The following KCNG2 variants were observed in gnomAD, a reference collection of about 807,000 sequenced individuals.
The protein encoded by KCNG2 is potassium voltage-gated channel modifier subfamily G member 2.
A neutral mutation model predicts 12.3 loss-of-function variants in KCNG2; 7 were observed. The ratio of observed to expected loss-of-function variants is 0.57; its 90% CI spans 0.32 to 1.07. The LOEUF is 1.07. Ranked by LOEUF, KCNG2 falls within the 50% of genes least tolerant of loss-of-function variation. The probability of loss-of-function intolerance (pLI) is 0.04; values close to 1 mark genes in which losing one functional copy is unlikely to be tolerated. For missense variants in KCNG2, 703 were observed against 726.0 expected, an observed-to-expected ratio of 0.97 and a Z score of 0.36; for synonymous variants, 414 against 351.4, an observed-to-expected ratio of 1.18 and a Z score of -1.99.
At chr18:79,817,419 TCAGA>T (rs988660016) in intron 1 of KCNG2, among the ~76,000 whole-genome samples, 6 of 152,222 alleles carry the variant, frequency 3.9e-5, no homozygotes, top group Middle Eastern at 3.4e-3. Flanking sequence ...GATGTGCTTG[TCAGA>T]CACAGTGTCA....
intron 2 of KCNG2, among the ~76,000 whole-genome samples, chr18:79,858,244 C>T (rs1263835638): frequency 6.6e-6 from 1 of 152,212 alleles, no homozygotes; most frequent in African/African-American, 2.4e-5. Flanking sequence ...TCAAGTGATC[C>T]ACCCGCCTCA....
chr18:79,838,297 G>A (rs1978361668), intron 1 of KCNG2, among the ~76,000 whole-genome samples: 1 of 152,070 alleles, frequency 6.6e-6, no homozygotes, highest in Non-Finnish European at 1.5e-5. Flanking sequence ...TCATATAAGT[G>A]TTCTCAGTGT....
rs562941029 is a variant in KCNG2, at chr18:79,877,818, C to T, written c.624+13527C>T. 1.7e-3 allele frequency among the ~76,000 whole-genome samples: 261 copies of T among 152,336 alleles called. 1 individual carries two copies. Among genetic ancestry groups the T allele is most frequent in the African/African-American group, 5.9e-3 (247 of 41,572 alleles). ...GATGCCAGGGCGGACACCATGTCAG[C>T]GGAGACCTCGCCTTCTGAGAAGGGC... On this transcript the variant is annotated intron_variant, in intron 3 of 3. Transcript: ENST00000316249.
At chr18:79,855,694 C>T (rs893376663) in intron 1 of KCNG2, among the ~76,000 whole-genome samples, 16 of 152,182 alleles carry the variant, frequency 1.1e-4, no homozygotes, top group Non-Finnish European at 1.8e-4. Context: ...GGAGGGGACC[C>T]TGCACGGCCC....
rs58112387 is a variant in KCNG2, at chr18:79,807,885, T to C, written c.-115+9871T>C. ...CACGTTATGGGCCCAGAGTCCGCGC[T>C]CTGAGGAGCTGCCGGGGCCGCGCTG... On this transcript the variant is annotated intron_variant, in intron 1 of 3. Coordinates refer to ENST00000316249, the MANE Select transcript of KCNG2 (RefSeq NM_012283.2). Among the ~76,000 whole-genome samples, 59 of 57,662 alleles carry C rather than the reference T, an allele frequency of 1.0e-3. 1 individual carries two copies. Among genetic ancestry groups the C allele is most frequent in the South Asian group, 1.4e-3 (2 of 1,398 alleles). 37.8% of individuals were successfully genotyped at this position (57,662 alleles called of 152,430 possible).
At chr18:79,828,591 G>C (rs1051895696) in intron 1 of KCNG2, among the ~76,000 whole-genome samples, 5 of 152,040 alleles carry the variant, frequency 3.3e-5, no homozygotes, top group Non-Finnish European at 2.9e-5. Context: ...GTGTCTGCAT[G>C]TGGGTGTGTG....
chr18:79,872,840 C>T (rs1979902160), intron 3 of KCNG2, among the ~76,000 whole-genome samples: 1 of 152,254 alleles, frequency 6.6e-6, no homozygotes, highest in Non-Finnish European at 1.5e-5. Context: ...CAGTGCTCAG[C>T]ACACAGAATC....
chr18:79,874,997 C>A (rs1980011806), intron 3 of KCNG2, among the ~76,000 whole-genome samples: 1 of 152,180 alleles, frequency 6.6e-6, no homozygotes, highest in Non-Finnish European at 1.5e-5. Context: ...AGCCACACCC[C>A]AGCGGGACAG....
chr18:79,860,821 T>G (rs940922433), intron 2 of KCNG2, among the ~76,000 whole-genome samples: 4 of 152,208 alleles, frequency 2.6e-5, no homozygotes, highest in Admixed American at 6.5e-5. Flanking sequence ...CTTGCCTAAT[T>G]TTTCTGACTA....
intron 3 of KCNG2, among the ~76,000 whole-genome samples, chr18:79,890,964 C>T (rs541989195): frequency 1.6e-4 from 25 of 152,262 alleles, no homozygotes; most frequent in Admixed American, 7.2e-4. Context: ...TCTGCTCAAA[C>T]GAGCTAAAGA....
chr18:79,868,289 C>G (rs1439446661), intron 3 of KCNG2, among the ~76,000 whole-genome samples: 3 of 152,184 alleles, frequency 2.0e-5, no homozygotes, highest in African/African-American at 7.2e-5. Context: ...CCCTAAATTG[C>G]TTGTCCAGTT....
chr18:79,859,905 G>A (rs138766514), intron 2 of KCNG2, among the ~76,000 whole-genome samples: 46 of 152,238 alleles, frequency 3.0e-4, no homozygotes, highest in Non-Finnish European at 5.1e-4. Flanking sequence ...TAATGTACTA[G>A]TCCATGTTCG....
chr18:79,892,255 G>C (rs533211534), intron 3 of KCNG2, among the ~76,000 whole-genome samples: 4 of 151,980 alleles, frequency 2.6e-5, no homozygotes, highest in African/African-American at 9.7e-5. Flanking sequence ...CATTTTACTT[G>C]TTATATCTTC....
At chr18:79,877,819 G>A (rs114975796) in intron 3 of KCNG2, among the ~76,000 whole-genome samples, 423 of 152,328 alleles carry the variant, frequency 2.8e-3, no homozygotes, top group African/African-American at 9.1e-3. Context: ...CCATGTCAGC[G>A]GAGACCTCGC....
chr18:79,840,817 G>GTC (rs1449569099), intron 1 of KCNG2, among the ~76,000 whole-genome samples: 9 of 152,018 alleles, frequency 5.9e-5, no homozygotes, highest in Non-Finnish European at 8.8e-5. Context: ...TTTGACAGAG[G>GTC]TTCAAAAGTG....
intron 1 of KCNG2, among the ~76,000 whole-genome samples, chr18:79,821,912 C>T (rs1190554138): frequency 2.6e-5 from 4 of 152,118 alleles, no homozygotes; most frequent in East Asian, 1.9e-4. Flanking sequence ...ATTCGTGGTC[C>T]GTTAAGACTC....
chr18:79,853,164 A>G (rs1425338147), intron 1 of KCNG2, among the ~76,000 whole-genome samples: 4 of 152,268 alleles, frequency 2.6e-5, no homozygotes, highest in Middle Eastern at 3.2e-3. Flanking sequence ...GACAGTGGGC[A>G]TGTCCTCGAG....
In KCNG2 at chr18:79,870,915, G is replaced by T. The variant is rs73970126; in HGVS notation, c.624+6624G>T. ...TGATCAGGGTTCTCCAGAGGTGCAG[G>T]ATGAAAGGGTGTGGCTGATTGGCAG... On this transcript the variant is annotated intron_variant, in intron 3 of 3. Transcript: ENST00000316249. Among the ~76,000 whole-genome samples the T allele has an allele frequency of 3.8e-3, 582 of 152,288 alleles. 6 individuals carry two copies. Among genetic ancestry groups the T allele is most frequent in the African/African-American group, 0.013 (559 of 41,552 alleles).
intron 1 of KCNG2, among the ~76,000 whole-genome samples, chr18:79,817,488 T>A (rs1047991889): frequency 6.7e-6 from 1 of 148,188 alleles, no homozygotes; most frequent in African/African-American, 2.5e-5. Context: ...CACACACGTG[T>A]CACACACAGT....
Sources: allele counts gnomAD v4.1 joint callset (sites outside exome capture counted in the v4.1 genomes callset), GRCh38; gene constraint gnomAD v4.1.1; transcripts MANE v1.5; gene names NCBI Gene and HGNC (gene_info 2026-07-23, HGNC 2026-07-21).